The following TMEM135 variants were observed in gnomAD, a reference collection of about 807,000 sequenced individuals.
TMEM135 encodes the protein peroxisomal membrane protein 52.
Under a neutral mutation model 60.3 loss-of-function variants are expected in TMEM135, and 30 were observed. That is an observed-to-expected ratio of 0.50 (90% CI 0.37 to 0.68). The LOEUF is 0.68. Among genes scored for constraint, TMEM135 ranks in the 30% least tolerant of loss-of-function variants. The pLI, the probability that TMEM135 is intolerant of heterozygous loss-of-function variation, is 0.00. For missense variants in TMEM135, 468 were observed against 548.8 expected (o/e 0.85, Z 1.47); for synonymous variants, 190 against 186.7 (o/e 1.02, Z -0.14).
intron 5 of TMEM135, among the ~76,000 whole-genome samples, chr11:87,196,902 A>G (rs1418096782): frequency 6.6e-6 from 1 of 152,190 alleles, no homozygotes; most frequent in Admixed American, 6.5e-5. Flanking sequence ...AAGAATGGAT[A>G]CGTATTTTGG....
At chr11:87,040,818 G>A (rs895948825) in intron 1 of TMEM135, among the ~76,000 whole-genome samples, 2 of 152,028 alleles carry the variant, frequency 1.3e-5, no homozygotes, top group Non-Finnish European at 2.9e-5. Context: ...GTTTATCATA[G>A]GTTTTGAATA....
At chr11:87,165,629 T>C (rs995317953) in intron 5 of TMEM135, among the ~76,000 whole-genome samples, 3 of 151,098 alleles carry the variant, frequency 2.0e-5, no homozygotes, top group African/African-American at 4.9e-5. Context: ...CAGTTCCTCC[T>C]TGTACCTCTG....
intron 4 of TMEM135, among the ~76,000 whole-genome samples, chr11:87,127,639 A>G (rs911507231): frequency 2.0e-5 from 3 of 152,200 alleles, no homozygotes; most frequent in African/African-American, 2.4e-5. Flanking sequence ...TCAGTAGACT[A>G]AGTTTCTGTA....
At chr11:87,161,725 G>C (rs1938886476) in intron 5 of TMEM135, among the ~76,000 whole-genome samples, 1 of 151,974 alleles carries the variant, frequency 6.6e-6, no homozygotes. Context: ...GTCTATTGTG[G>C]CTCTATTGTT....
chr11:87,142,681 A>G (rs891240183), intron 4 of TMEM135, among the ~76,000 whole-genome samples: 2 of 151,340 alleles, frequency 1.3e-5, no homozygotes, highest in African/African-American at 4.9e-5. Flanking sequence ...TTTAGCTTCC[A>G]GATTTCCTCC....
intron 6 of TMEM135, among the ~76,000 whole-genome samples, chr11:87,245,149 A>G (rs568296704): frequency 2.0e-5 from 3 of 146,804 alleles, no homozygotes; most frequent in Non-Finnish European, 4.5e-5. Flanking sequence ...GTTTCCATGT[A>G]GTTGAGCGGT....
At chr11:87,226,454 A>G (rs492605) in intron 5 of TMEM135, among the ~76,000 whole-genome samples, 119,343 of 152,130 alleles carry the variant, frequency 0.78, 47,549 homozygotes, top group Non-Finnish European at 0.83. Flanking sequence ...GTAGCAAGTT[A>G]TTTTAAACTG....
intron 6 of TMEM135, among the ~76,000 whole-genome samples, chr11:87,289,738 G>C (rs899916454): frequency 6.6e-6 from 1 of 152,070 alleles, no homozygotes; most frequent in African/African-American, 2.4e-5. Context: ...TTACAGGTGT[G>C]AGCCACCGCG....
intron 5 of TMEM135, among the ~76,000 whole-genome samples, chr11:87,171,722 C>G (rs1246266180): frequency 6.6e-6 from 1 of 152,116 alleles, no homozygotes; most frequent in Non-Finnish European, 1.5e-5. Flanking sequence ...CCCTTTCTGC[C>G]TAGGTAGTGG....
At chr11:87,313,881 T>G (rs2135451475) in intron 11 of TMEM135, among the ~76,000 whole-genome samples, 1 of 152,012 alleles carries the variant, frequency 6.6e-6, no homozygotes, top group Non-Finnish European at 1.5e-5. Flanking sequence ...TTAAAGGAAC[T>G]TAATCATTTT....
At chr11:87,281,398 G>A (rs142486938) in intron 6 of TMEM135, among the ~76,000 whole-genome samples, 1 of 152,256 alleles carries the variant, frequency 6.6e-6, no homozygotes, top group East Asian at 1.9e-4. Context: ...ACACGTTTAT[G>A]TATTCACATA....
At chr11:87,075,639 T>C (rs1856856124) in intron 3 of TMEM135, among the ~76,000 whole-genome samples, 1 of 152,208 alleles carries the variant, frequency 6.6e-6, no homozygotes, top group South Asian at 2.1e-4. Flanking sequence ...CTCTACAGCA[T>C]TGCTTTATTG....
chr11:87,261,406 A>T (rs1165857187), intron 6 of TMEM135, among the ~76,000 whole-genome samples: 1 of 152,222 alleles, frequency 6.6e-6, no homozygotes, highest in Non-Finnish European at 1.5e-5. Context: ...GACTTTTCTT[A>T]TCCAAAATTT....
intron 5 of TMEM135, among the ~76,000 whole-genome samples, chr11:87,169,102 A>G (rs1008926734): frequency 1.3e-5 from 2 of 151,604 alleles, no homozygotes; most frequent in African/African-American, 4.9e-5. Flanking sequence ...AGTCTGTTTT[A>G]TCAGAGACTA....
chr11:87,278,332 T>C (rs1261576281), intron 6 of TMEM135, among the ~76,000 whole-genome samples: 2 of 152,174 alleles, frequency 1.3e-5, no homozygotes, highest in Non-Finnish European at 2.9e-5. Context: ...CTCTAAAATA[T>C]ATAATTTTTT....
rs115690693 is a variant in TMEM135, at chr11:87,300,523, C to T, written c.552-1773C>T. On this transcript the variant is annotated intron_variant, in intron 7 of 14. Coordinates refer to ENST00000305494, the MANE Select transcript of TMEM135 (RefSeq NM_022918.4). ...CAAGATACTTAACCATGCCAACTCT[C>T]GTGGGAATTGTGACACCTATAGTAT... Among the ~76,000 whole-genome samples the T allele has an allele frequency of 4.2e-3, 636 of 152,242 alleles. 5 individuals are homozygous for T. Among genetic ancestry groups the T allele is most frequent in the African/African-American group, 0.014 (592 of 41,532 alleles).
chr11:87,056,906 T>C (rs902972209), intron 1 of TMEM135, among the ~76,000 whole-genome samples: 7 of 152,224 alleles, frequency 4.6e-5, no homozygotes, highest in African/African-American at 1.4e-4. Context: ...ATTAGTTTTT[T>C]CCAATTAATT....
chr11:87,167,513 A>G (rs190429980), intron 5 of TMEM135, among the ~76,000 whole-genome samples: 1 of 152,184 alleles, frequency 6.6e-6, no homozygotes, highest in Non-Finnish European at 1.5e-5. Context: ...TGCTTTTAGC[A>G]TGAAGCGGTG....
intron 1 of TMEM135, among the ~76,000 whole-genome samples, chr11:87,042,571 C>A (rs1323419728): frequency 6.6e-6 from 1 of 152,094 alleles, no homozygotes; most frequent in Non-Finnish European, 1.5e-5. Flanking sequence ...CAGAAAAAAA[C>A]TTCTGCTTCT....
Sources: allele counts gnomAD v4.1 joint callset (sites outside exome capture counted in the v4.1 genomes callset), GRCh38; gene constraint gnomAD v4.1.1; transcripts MANE v1.5; gene names NCBI Gene and HGNC (gene_info 2026-07-23, HGNC 2026-07-21).